The following MYO5C variants were observed in gnomAD, a reference collection of about 807,000 sequenced individuals.
MYO5C encodes the protein myosin VC, also known as unconventional myosin-Vc.
A neutral mutation model predicts 235.7 loss-of-function variants in MYO5C; 194 were observed. That is an observed-to-expected ratio of 0.82 (90% CI 0.73 to 0.93). The LOEUF (loss-of-function observed/expected upper bound fraction) is 0.93, where lower values mean the gene tolerates loss of function less well. Ranked by LOEUF, MYO5C falls within the 40% of genes least tolerant of loss-of-function variation. The pLI is 0.00. For synonymous variants in MYO5C, 707 were observed against 754.8 expected, an observed-to-expected ratio of 0.94 and a Z score of 1.04; for missense variants, 2,038 against 2,127.2, an observed-to-expected ratio of 0.96 and a Z score of 0.82.
intron 4 of MYO5C, chr15:52,277,753 C>A: frequency 2.3e-6 from 1 of 435,566 alleles, no homozygotes; most frequent in Non-Finnish European, 4.6e-6. Flanking sequence ...GGGAGCTGCA[C>A]GGCACCGGGT....
Position 52,223,654 on chromosome 15 carries a change from C to G in MYO5C, c.3517G>C (p.Val1173Leu). The G allele has an allele frequency of 6.2e-7, 1 of 1,614,184 alleles. No homozygotes were observed. The highest frequency in any genetic ancestry group is 8.5e-7 in the Non-Finnish European group (1 of 1,180,024). ...TTGATTTCTTGACTGAGATGCACCA[C>G]TTTGAAGTTCAAAGCTTCAATCTCC... Reference protein sequence around the residue: ...EKEIEALNFKVVHLSQEINHL... With the variant: ...EKEIEALNFKLVHLSQEINHL... The change falls in exon 29 of 41, where the codon GTG becomes CTG. Residue 1173 changes from valine (V) to leucine (L), a missense_variant. Val to Leu is a conservative substitution (Grantham distance 32, BLOSUM62 1). Transcript: ENST00000261839.
At chr15:52,230,408 AT>A (rs201714357) in intron 24 of MYO5C, among the ~76,000 whole-genome samples, 231 of 145,930 alleles carry the variant, frequency 1.6e-3, no homozygotes, top group East Asian at 1.4e-3. Flanking sequence ...TTTTTTATAG[AT>A]TTTTTTTTTT....
chr15:52,263,187 A>C (rs2036729874), intron 9 of MYO5C, among the ~76,000 whole-genome samples: 1 of 152,206 alleles, frequency 6.6e-6, no homozygotes, highest in Non-Finnish European at 1.5e-5. Flanking sequence ...GTCTGAGTTG[A>C]CTAGGACAGA....
rs71130140 is a variant in MYO5C, at chr15:52,195,962, C to CTT, written c.4995+345_4995+346dup. On this transcript the variant is annotated intron_variant, in intron 39 of 40. Coordinates refer to ENST00000261839, the MANE Select transcript of MYO5C (RefSeq NM_018728.4). ...CAAAGGTGTGTGCCATCACACCCAG[C>CTT]TTTTTTTTTTTTTTTTTTTTTTTTT... is the stretch of plus-strand genomic sequence containing the variant. Among the ~76,000 whole-genome samples the CTT allele has an allele frequency of 2.1e-3, 173 of 80,968 alleles. 7 individuals are homozygous for CTT. The highest frequency in any genetic ancestry group is 6.3e-3 in the African/African-American group (97 of 15,356). The allele number at this position is 80,968 out of a possible 152,430, so 53.1% of individuals were successfully genotyped here.
intron 28 of MYO5C, 68 bp downstream of exon 28, chr15:52,224,833 T>C (rs2035782592): frequency 2.3e-6 from 3 of 1,325,410 alleles, no homozygotes; most frequent in East Asian, 2.3e-5. Flanking sequence ...AAGGTAAACT[T>C]TGGACTTTCC....
intron 23 of MYO5C, among the ~76,000 whole-genome samples, chr15:52,234,236 A>G (rs2036029226): frequency 6.6e-6 from 1 of 152,226 alleles, no homozygotes; most frequent in African/African-American, 2.4e-5. Context: ...ACAGCATTTG[A>G]TAGCATCCCT....
In MYO5C at chr15:52,262,681, G is replaced by T. The variant is rs138076382; in HGVS notation, c.1047+1509C>A. Among the ~76,000 whole-genome samples the T allele has an allele frequency of 8.5e-5, 13 of 152,288 alleles. No homozygotes were observed. In the East Asian group the frequency reaches 2.5e-3, roughly 29 times the overall value. On this transcript the variant is annotated intron_variant, in intron 9 of 40. Transcript: ENST00000261839. ...AATTACTTCCTGGTCATGGCAAAAGGCCTAAAACGCTAAGCCCAGGAGCTC... is the reference window on the plus strand; with the variant it reads ...AATTACTTCCTGGTCATGGCAAAAGTCCTAAAACGCTAAGCCCAGGAGCTC...
At chr15:52,248,909 G>C in intron 13 of MYO5C, 126 bp from the exon 14 acceptor site, 1 of 666,478 alleles carries the variant, frequency 1.5e-6, no homozygotes, top group Non-Finnish European at 2.6e-6. Context: ...ACAAAAAGAC[G>C]TCTGGCTTCT....
intron 13 of MYO5C, among the ~76,000 whole-genome samples, chr15:52,250,091 C>G (rs2036439529): frequency 6.6e-6 from 1 of 152,128 alleles, no homozygotes; most frequent in Non-Finnish European, 1.5e-5. Context: ...GTCTTTCCCC[C>G]TCCCTTTTCC....
At chr15:52,254,936 G>A (rs2036549757) in intron 11 of MYO5C, among the ~76,000 whole-genome samples, 1 of 150,932 alleles carries the variant, frequency 6.6e-6, no homozygotes, top group Admixed American at 6.6e-5. Context: ...TTCCAGGAGA[G>A]CCTTGCAAAT....
chr15:52,197,549 G>A (rs563431421), intron 38 of MYO5C, among the ~76,000 whole-genome samples: 3 of 152,298 alleles, frequency 2.0e-5, no homozygotes, highest in African/African-American at 7.2e-5. Context: ...CTGGAGGGAT[G>A]AAAATGTTCT....
Position 52,256,587 on chromosome 15 carries a change from ACGCG to A in MYO5C, c.1395+48_1395+51del, listed in dbSNP as rs775479835. On this transcript the variant is annotated intron_variant, in intron 11 of 40. Transcript: ENST00000261839. ...AACACACACACACACACACACACAC[ACGCG>A]CGCGCGCGCGGCTGAGAACTAGTCA... The A allele has an allele frequency of 3.2e-4, 184 of 567,784 alleles. 4 individuals are homozygous for A. Among genetic ancestry groups the A allele is most frequent in the African/African-American group, 1.4e-3 (70 of 51,050 alleles). 35.2% of individuals were successfully genotyped at this position (567,784 alleles called of 1,614,324 possible). A position where few individuals can be genotyped will look rare whatever the true frequency, so the allele number is the denominator to read the frequency against.
chr15:52,239,270 C>A (rs1380613056), intron 21 of MYO5C, among the ~76,000 whole-genome samples: 1 of 152,134 alleles, frequency 6.6e-6, no homozygotes, highest in Non-Finnish European at 1.5e-5. Flanking sequence ...TCTTTTCATA[C>A]CAGTGGGAAT....
chr15:52,278,904 C>A lies in MYO5C; in HGVS notation c.418G>T (p.Val140Leu), dbSNP rs765993838. ...MGDMDPHIFA[V>L]AEEAYKQMAR... ...ATCTGCTTGTATGCCTCTTCTGCCA[C>A]GGCAAATATGTGTGGGTCCATATCG... Residue 140 changes from valine (V) to leucine (L), a missense_variant, in exon 4 of 41, where the codon GTG becomes TTG. Val to Leu is a conservative substitution (Grantham distance 32, BLOSUM62 1). Transcript: ENST00000261839. The A allele has an allele frequency of 6.2e-7, 1 of 1,614,000 alleles. No individual in the cohort carries two copies. Among genetic ancestry groups the A allele is most frequent in the Admixed American group, 1.7e-5 (1 of 60,002 alleles).
chr15:52,203,005 C>G (rs1408041020), intron 38 of MYO5C, among the ~76,000 whole-genome samples: 2 of 151,516 alleles, frequency 1.3e-5, no homozygotes, highest in East Asian at 3.9e-4. Context: ...ACTGCAACGT[C>G]TGCCTCCCCA....
intron 4 of MYO5C, among the ~76,000 whole-genome samples, chr15:52,276,542 G>C (rs1027403458): frequency 4.6e-5 from 7 of 152,140 alleles, no homozygotes; most frequent in African/African-American, 1.7e-4. Flanking sequence ...TACACAAACA[G>C]CTTGAGTTTA....
Position 52,269,806 on chromosome 15 carries a change from C to T in MYO5C, c.887G>A (p.Gly296Asp), listed in dbSNP as rs1410159506. 7.4e-6 allele frequency: 12 copies of T among 1,613,668 alleles called. No homozygotes were observed. Among genetic ancestry groups the T allele is most frequent in the African/African-American group, 1.3e-5 (1 of 74,842 alleles). ...TACCATTTCAGCTCGATCATTCACA[C>T]CCTCAATGACAGTATTGCCTCCCAT... ...TRMGGNTVIE[G>D]VNDRAEMVET... The change falls in exon 8 of 41, where the codon GGT becomes GAT. Residue 296 changes from glycine to aspartate, a missense_variant. Transcript: ENST00000261839.
At chr15:52,204,733 T>TATCC in intron 38 of MYO5C, 132 bp downstream of exon 38, 1 of 1,118,744 alleles carries the variant, frequency 8.9e-7, no homozygotes, top group South Asian at 1.6e-5. Flanking sequence ...GTGACTCGAA[T>TATCC]ATCCCTACAG....
chr15:52,271,909 T>A, intron 6 of MYO5C, 65 bp from the exon 7 acceptor site: 1 of 1,002,042 alleles, frequency 1.0e-6, no homozygotes, highest in East Asian at 2.5e-5. Context: ...GCCAGGTTTT[T>A]AACTAGAGGG....
Sources: allele counts gnomAD v4.1 joint callset (sites outside exome capture counted in the v4.1 genomes callset), GRCh38; gene constraint gnomAD v4.1.1; transcripts MANE v1.5; gene names NCBI Gene and HGNC (gene_info 2026-07-23, HGNC 2026-07-21).